The following MDGA2 variants were observed in gnomAD, a reference collection of about 807,000 sequenced individuals.
MDGA2 encodes MAM domain containing glycosylphosphatidylinositol anchor 2, also known as MAM domain-containing glycosylphosphatidylinositol anchor protein 2.
MDGA2 carries 40 observed loss-of-function variants against 117.8 expected under a neutral mutation model. That is an observed-to-expected ratio of 0.34 (90% CI 0.26 to 0.44). MDGA2 has a LOEUF of 0.44. Ranked by LOEUF, MDGA2 falls within the 20% of genes least tolerant of loss-of-function variation. MDGA2 has a pLI of 1.00. For synonymous variants in MDGA2, 452 were observed against 439.0 expected, an observed-to-expected ratio of 1.03 and a Z score of -0.37; for missense variants, 1,123 against 1,250.6, an observed-to-expected ratio of 0.90 and a Z score of 1.54.
intron 1 of MDGA2, chr14:47,342,931 GAA>G (rs1357053361): frequency 1.9e-6 from 1 of 520,996 alleles, no homozygotes; most frequent in East Asian, 6.9e-5. Flanking sequence ...ATAAATTAGG[GAA>G]AACCATACCT....
intron 2 of MDGA2, among the ~76,000 whole-genome samples, chr14:47,259,552 G>T (rs941915062): frequency 1.3e-5 from 2 of 151,944 alleles, no homozygotes; most frequent in African/African-American, 4.8e-5. Flanking sequence ...TTTAACACAG[G>T]CTTTCTAAAT....
chr14:47,279,843 C>A (rs1888419248), intron 2 of MDGA2, among the ~76,000 whole-genome samples: 1 of 152,082 alleles, frequency 6.6e-6, no homozygotes, highest in South Asian at 2.1e-4. Flanking sequence ...TATTAGACAA[C>A]TGGTCCTGGT....
At chr14:47,664,879 C>T (rs1897914512) in intron 1 of MDGA2, among the ~76,000 whole-genome samples, 1 of 152,196 alleles carries the variant, frequency 6.6e-6, no homozygotes, top group Non-Finnish European at 1.5e-5. Context: ...TTAGAGATAA[C>T]TGTCCTACCT....
At chr14:47,499,942 T>C (rs1354912884) in intron 1 of MDGA2, among the ~76,000 whole-genome samples, 1 of 152,102 alleles carries the variant, frequency 6.6e-6, no homozygotes, top group Non-Finnish European at 1.5e-5. Context: ...AATTTGAAGA[T>C]GAAAGAAAAT....
At chr14:47,506,355 TC>T (rs1236406410) in intron 1 of MDGA2, among the ~76,000 whole-genome samples, 1 of 152,208 alleles carries the variant, frequency 6.6e-6, no homozygotes, top group Non-Finnish European at 1.5e-5. Flanking sequence ...AAGCTTTATT[TC>T]CCAACCTTGT....
chr14:47,029,937 C>T (rs1404653281), intron 8 of MDGA2, among the ~76,000 whole-genome samples: 2 of 151,406 alleles, frequency 1.3e-5, no homozygotes, highest in African/African-American at 4.8e-5. Context: ...AAGCAATTCT[C>T]CTGACTCAGC....
Position 47,385,334 on chromosome 14 carries a change from G to T in MDGA2, c.281-83784C>A, listed in dbSNP as rs565748303. ...TAGAAACTGACATTCATTCCCTTAGGTACAGTAAAATTATTTTAGTAAAAA... is the reference window on the plus strand; with the variant it reads ...TAGAAACTGACATTCATTCCCTTAGTTACAGTAAAATTATTTTAGTAAAAA... On this transcript the variant is annotated intron_variant, in intron 1 of 16. Transcript: ENST00000399232. 4.0e-5 allele frequency among the ~76,000 whole-genome samples: 6 copies of T among 151,606 alleles called. No individual in the cohort carries two copies. The East Asian group carries it at 1.2e-3, about 29-fold the overall frequency.
intron 1 of MDGA2, among the ~76,000 whole-genome samples, chr14:47,442,811 A>G (rs1893040533): frequency 6.6e-6 from 1 of 152,170 alleles, no homozygotes; most frequent in African/African-American, 2.4e-5. Context: ...AAATATTAAA[A>G]GGAAACTTCC....
At chr14:47,594,744 T>C (rs761078559) in intron 1 of MDGA2, among the ~76,000 whole-genome samples, 10 of 152,230 alleles carry the variant, frequency 6.6e-5, no homozygotes, top group East Asian at 1.9e-4. Context: ...CGAGGTGCCA[T>C]GCACCCTTTC....
At position 47,675,405 on chromosome 14, in the gene MDGA2, A is replaced by G. The variant is rs111337855; in HGVS notation, c.-609T>C. ...GGGGAAGAGGGAAGGGAGGAGGGGG[A>G]AGAAGGAGGAGGAAAGGGTCCAACA... On this transcript the variant is annotated 5_prime_UTR_variant, in exon 1 of 17. Transcript: ENST00000399232. 0.16 allele frequency among the ~76,000 whole-genome samples: 24,373 copies of G among 149,468 alleles called. 2,081 individuals carry two copies. The highest frequency in any genetic ancestry group is 0.24 in the East Asian group (1,168 of 4,826).
chr14:47,646,344 TATAAC>T (rs1230568668), intron 1 of MDGA2, among the ~76,000 whole-genome samples: 4 of 152,082 alleles, frequency 2.6e-5, no homozygotes, highest in African/African-American at 9.6e-5. Flanking sequence ...CATATACACA[TATAAC>T]ATATATAATA....
chr14:47,403,359 G>T (rs1892194482), intron 1 of MDGA2, among the ~76,000 whole-genome samples: 1 of 151,812 alleles, frequency 6.6e-6, no homozygotes, highest in African/African-American at 2.4e-5. Flanking sequence ...TTTTCCTCTT[G>T]TCCATTCCTT....
chr14:47,324,462 C>T (rs1393065784), intron 1 of MDGA2, among the ~76,000 whole-genome samples: 1 of 151,996 alleles, frequency 6.6e-6, no homozygotes, highest in Non-Finnish European at 1.5e-5. Flanking sequence ...AAACTCAGAA[C>T]TTTTTTTTCT....
At chr14:47,099,758 G>T (rs1284038498) in intron 5 of MDGA2, among the ~76,000 whole-genome samples, 1 of 151,936 alleles carries the variant, frequency 6.6e-6, no homozygotes, top group South Asian at 2.1e-4. Context: ...TCAGTTGAGG[G>T]CCTCAATTTC....
chr14:47,313,497 T>A (rs1208449444), intron 1 of MDGA2, among the ~76,000 whole-genome samples: 1 of 151,990 alleles, frequency 6.6e-6, no homozygotes, highest in Non-Finnish European at 1.5e-5. Flanking sequence ...GGTCTCATTG[T>A]TATTACCCAG....
At chr14:47,490,625 G>T (rs1894149232) in intron 1 of MDGA2, among the ~76,000 whole-genome samples, 2 of 152,072 alleles carry the variant, frequency 1.3e-5, no homozygotes, top group South Asian at 2.1e-4. Flanking sequence ...GTGCTAAAAA[G>T]CTATAATAGA....
chr14:47,536,925 G>C (rs191534562), intron 1 of MDGA2, among the ~76,000 whole-genome samples: 1 of 152,112 alleles, frequency 6.6e-6, no homozygotes, highest in Non-Finnish European at 1.5e-5. Flanking sequence ...GTATGACCTT[G>C]CCTTAAAGTT....
intron 1 of MDGA2, among the ~76,000 whole-genome samples, chr14:47,421,828 A>T (rs1040239668): frequency 9.2e-5 from 14 of 152,296 alleles, no homozygotes; most frequent in African/African-American, 3.1e-4. Context: ...CTTAATTTTT[A>T]AAAAATACAA....
intron 1 of MDGA2, chr14:47,343,182 C>T: frequency 1.8e-6 from 2 of 1,135,820 alleles, no homozygotes; most frequent in South Asian, 3.7e-5. Flanking sequence ...CATTCTGGTA[C>T]AGGCTCAAGC....
Sources: gnomAD v4.1 joint callset for allele counts (sites outside exome capture counted in the v4.1 genomes callset) on GRCh38, gnomAD v4.1.1 for gene constraint, MANE v1.5 for transcripts, NCBI Gene and HGNC (gene_info 2026-07-23, HGNC 2026-07-21) for gene names.